The following TPST2 variants were observed in gnomAD, a reference collection of about 807,000 sequenced individuals.
The protein encoded by TPST2 is tyrosylprotein sulfotransferase 2.
Under a neutral mutation model 27.8 loss-of-function variants are expected in TPST2, and 16 were observed. The observed-to-expected ratio is 0.58, with a 90% confidence interval of 0.39 to 0.88. The LOEUF (loss-of-function observed/expected upper bound fraction) is 0.88, where lower values mean the gene tolerates loss of function less well. Among genes scored for constraint, TPST2 ranks in the 40% least tolerant of loss-of-function variants. The pLI, the probability that TPST2 is intolerant of heterozygous loss-of-function variation, is 0.00. For missense variants in TPST2, 464 were observed against 543.1 expected (o/e 0.85, Z 1.45); for synonymous variants, 229 against 231.7 (o/e 0.99, Z 0.10).
intron 5 of TPST2, among the ~76,000 whole-genome samples, chr22:26,530,125 G>A (rs561086576): frequency 1.7e-4 from 26 of 152,284 alleles, no homozygotes; most frequent in African/African-American, 4.6e-4. Flanking sequence ...CGTTGCCTTC[G>A]TTTTTGTTGT....
intron 1 of TPST2, among the ~76,000 whole-genome samples, chr22:26,549,356 G>A (rs950958831): frequency 3.3e-5 from 5 of 152,100 alleles, no homozygotes; most frequent in Middle Eastern, 3.2e-3. Flanking sequence ...GGTGTCATGC[G>A]GCTCATAAAA....
At position 26,582,678 on chromosome 22, in the gene TPST2, C is replaced by T. The variant is rs114167432; in HGVS notation, c.-161+7375G>A. 2.3e-3 allele frequency among the ~76,000 whole-genome samples: 348 copies of T among 152,238 alleles called. 2 individuals are homozygous for T. Among genetic ancestry groups the T allele is most frequent in the African/African-American group, 7.6e-3 (316 of 41,548 alleles). On this transcript the variant is annotated intron_variant, in intron 1 of 6. Coordinates refer to ENST00000338754, the MANE Select transcript of TPST2 (RefSeq NM_003595.5). The stretch of plus-strand genomic sequence containing the variant: ...CATCCAGTTGAGGGTTCTCATGTGT[C>T]CTTATTCTAGTGGAAGACGTCACTC...
intron 1 of TPST2, among the ~76,000 whole-genome samples, chr22:26,567,382 C>T (rs1052650413): frequency 3.3e-5 from 5 of 152,252 alleles, no homozygotes; most frequent in African/African-American, 9.6e-5. Flanking sequence ...AGTTGGTATA[C>T]AGACCTGAGA....
chr22:26,573,665 T>A (rs1378757414), intron 1 of TPST2, among the ~76,000 whole-genome samples: 1 of 152,216 alleles, frequency 6.6e-6, no homozygotes, highest in Non-Finnish European at 1.5e-5. Flanking sequence ...GGATGTAATG[T>A]TCCTCAACAA....
intron 6 of TPST2, among the ~76,000 whole-genome samples, chr22:26,527,102 A>T (rs1162232464): frequency 6.6e-6 from 1 of 152,224 alleles, no homozygotes; most frequent in East Asian, 1.9e-4. Context: ...CTGGGATCTT[A>T]GTGCAACTCA....
intron 1 of TPST2, among the ~76,000 whole-genome samples, chr22:26,558,166 C>T (rs4820687): frequency 0.73 from 105,107 of 143,572 alleles, 38,355 homozygotes; most frequent in South Asian, 0.8. Flanking sequence ...CACACACACA[C>T]ATATATATGT....
Position 26,577,264 on chromosome 22 carries a change from T to TA in TPST2, c.-161+12788_-161+12789insT, listed in dbSNP as rs1927882982. On this transcript the variant is annotated intron_variant, in intron 1 of 6. Coordinates refer to ENST00000338754, the MANE Select transcript of TPST2 (RefSeq NM_003595.5). ...TGGGTGACAGGGCAAAACCCTGTCT[T>TA]TAAAAAAAAAAAAAAAAAAAGTGAA... Among the ~76,000 whole-genome samples the TA allele has an allele frequency of 3.2e-5, 4 of 125,360 alleles. No individual in the cohort carries two copies. The Admixed American group carries it at 3.4e-4, about 11-fold the overall frequency. The allele number at this position is 125,360 out of a possible 152,430, so 82.2% of individuals were successfully genotyped here.
At chr22:26,578,163 A>T (rs1446608840) in intron 1 of TPST2, among the ~76,000 whole-genome samples, 2 of 152,184 alleles carry the variant, frequency 1.3e-5, no homozygotes, top group East Asian at 3.9e-4. Flanking sequence ...CCAATCGCTC[A>T]TTTAATCCTC....
chr22:26,534,060 A>T (rs1925316153), intron 4 of TPST2, among the ~76,000 whole-genome samples: 1 of 152,202 alleles, frequency 6.6e-6, no homozygotes, highest in Non-Finnish European at 1.5e-5. Context: ...CTAAGCCTTC[A>T]AAATCTAGTG....
At chr22:26,531,305 A>C (rs1224130010) in intron 5 of TPST2, among the ~76,000 whole-genome samples, 1 of 152,224 alleles carries the variant, frequency 6.6e-6, no homozygotes, top group Non-Finnish European at 1.5e-5. Context: ...ATGGTAGCAC[A>C]TGCATTCCAC....
At chr22:26,567,811 G>A (rs1199041875) in intron 1 of TPST2, among the ~76,000 whole-genome samples, 1 of 152,168 alleles carries the variant, frequency 6.6e-6, no homozygotes, top group Non-Finnish European at 1.5e-5. Flanking sequence ...GCATATGAAA[G>A]GTGCTCAAAC....
At chr22:26,582,326 C>T (rs907027854) in intron 1 of TPST2, among the ~76,000 whole-genome samples, 1 of 152,126 alleles carries the variant, frequency 6.6e-6, no homozygotes, top group Non-Finnish European at 1.5e-5. Flanking sequence ...ACTTGGGAGG[C>T]TGGGGCAGGA....
At chr22:26,567,551 G>A (rs1296377538) in intron 1 of TPST2, among the ~76,000 whole-genome samples, 3 of 152,188 alleles carry the variant, frequency 2.0e-5, no homozygotes, top group Non-Finnish European at 4.4e-5. Context: ...GGAAACTGAG[G>A]CTCACACATG....
intron 1 of TPST2, among the ~76,000 whole-genome samples, chr22:26,563,018 G>C (rs966898399): frequency 6.6e-6 from 1 of 152,164 alleles, no homozygotes; most frequent in African/African-American, 2.4e-5. Context: ...CAATGCCCAG[G>C]TAATCCCCAG....
Position 26,527,500 on chromosome 22 carries a change from G to C in TPST2, c.*7+714C>G, listed in dbSNP as rs533419253. On this transcript the variant is annotated intron_variant, in intron 6 of 6. Transcript: ENST00000338754. ...GGGGCTGAAGGGAGTTAAACCTGGAGATCTTAAATCTTTGAATTACCAAGT... is the reference window on the plus strand; with the variant it reads ...GGGGCTGAAGGGAGTTAAACCTGGACATCTTAAATCTTTGAATTACCAAGT... Among the ~76,000 whole-genome samples the C allele has an allele frequency of 8.6e-5, 13 of 151,202 alleles. No homozygotes were observed. In the South Asian group the frequency reaches 2.7e-3, roughly 32 times the overall value.
intron 1 of TPST2, chr22:26,560,932 C>T: frequency 6.2e-7 from 1 of 1,609,364 alleles, no homozygotes; most frequent in Non-Finnish European, 8.5e-7. Flanking sequence ...TGGAATAACA[C>T]TGCCGCAGAT....
Position 26,523,986 on chromosome 22 carries a change from T to G in TPST2, c.*2289A>C, listed in dbSNP as rs984128882. On this transcript the variant is annotated 3_prime_UTR_variant, in exon 7 of 7. Transcript: ENST00000338754. Reference sequence around the variant, plus strand: ...TAACTCCTGGAACCAGACATAAATTTTTTTTTTGGGGTGTGTGGTGATGGG... The same window carrying G: ...TAACTCCTGGAACCAGACATAAATTGTTTTTTTGGGGTGTGTGGTGATGGG... 1 of 152,126 alleles carries G rather than the reference T, an allele frequency of 6.6e-6. No homozygotes were observed. The highest frequency in any genetic ancestry group is 2.4e-5 in the African/African-American group (1 of 41,446). The allele number at this position is 152,126 out of a possible 1,614,324, so 9.4% of individuals were successfully genotyped here.
intron 1 of TPST2, among the ~76,000 whole-genome samples, chr22:26,588,613 A>G (rs1176414618): frequency 3.9e-5 from 6 of 152,338 alleles, no homozygotes; most frequent in African/African-American, 1.4e-4. Context: ...ACAAAGATGT[A>G]TATTAAGTAA....
rs1422049342 is a variant in TPST2 at position 26,523,577 on chromosome 22, T to A, written c.*2698A>T. ...CTAGAAACAGAAATTGTATTTATTT[T>A]ATTTTGTTTTATTTATTTTATTTTT... On this transcript the variant is annotated 3_prime_UTR_variant, in exon 7 of 7. Transcript: ENST00000338754. 6.6e-6 allele frequency: 1 copy of A among 152,162 alleles called. No homozygotes were observed. The highest frequency in any genetic ancestry group is 2.4e-5 in the African/African-American group (1 of 41,434). 9.4% of individuals were successfully genotyped at this position (152,162 alleles called of 1,614,324 possible).
Sources: gnomAD v4.1 joint callset for allele counts (sites outside exome capture counted in the v4.1 genomes callset) on GRCh38, gnomAD v4.1.1 for gene constraint, MANE v1.5 for transcripts, NCBI Gene and HGNC (gene_info 2026-07-23, HGNC 2026-07-21) for gene names.